The following IQANK1 variants were observed in gnomAD, a reference collection of about 807,000 sequenced individuals.
IQANK1 encodes IQ motif and ankyrin repeat domain-containing protein 1.
IQANK1 carries 30 observed loss-of-function variants against 22.6 expected under a neutral mutation model. The observed-to-expected ratio is 1.33, with a 90% confidence interval of 0.99 to 1.80. The LOEUF is 1.80. Among genes scored for constraint, IQANK1 ranks in the 40% most tolerant of loss-of-function variants. The pLI, the probability that IQANK1 is intolerant of heterozygous loss-of-function variation, is 0.00. For synonymous variants in IQANK1, 122 were observed against 99.6 expected (o/e 1.23, Z -1.34); for missense variants, 275 against 235.2 (o/e 1.17, Z -1.11).
chr8:143,776,009 G>A (rs111444538), intron 7 of IQANK1, among the ~76,000 whole-genome samples: 4 of 145,746 alleles, frequency 2.7e-5, no homozygotes, highest in African/African-American at 8.4e-5. Flanking sequence ...GAGGAGGGCC[G>A]GGCGCGGTGG....
chr8:143,764,095 CT>C (rs60387819), intron 3 of IQANK1, among the ~76,000 whole-genome samples: 3,111 of 152,214 alleles, frequency 0.02, 100 homozygotes, highest in African/African-American at 0.063. Context: ...CTCTGATACT[CT>C]CAGCAGTCAC....
At chr8:143,734,473 C>T (rs1362936644) in intron 1 of IQANK1, among the ~76,000 whole-genome samples, 2 of 151,290 alleles carry the variant, frequency 1.3e-5, no homozygotes, top group Non-Finnish European at 3.0e-5. Flanking sequence ...GGGACTCTGC[C>T]GCAGTGACCC....
At chr8:143,785,953 C>T (rs1819879364) in intron 7 of IQANK1, among the ~76,000 whole-genome samples, 1 of 152,146 alleles carries the variant, frequency 6.6e-6, no homozygotes, top group South Asian at 2.1e-4. Context: ...TCTCCAACTC[C>T]TGACCTTGTG....
intron 2 of IQANK1, among the ~76,000 whole-genome samples, 176 bp downstream of exon 2, chr8:143,736,114 T>C (rs1055510663): frequency 6.6e-6 from 1 of 152,024 alleles, no homozygotes. Flanking sequence ...AGCCCATTCA[T>C]TCATCTCAGA....
At position 143,757,121 on chromosome 8, in the gene IQANK1, A is replaced by G. The variant is rs577218083; in HGVS notation, c.176-14367A>G. Among the ~76,000 whole-genome samples, 122 of 152,316 alleles carry G rather than the reference A, an allele frequency of 8.0e-4. 1 individual carries two copies. Among genetic ancestry groups the G allele is most frequent in the African/African-American group, 2.8e-3 (117 of 41,576 alleles). On this transcript the variant is annotated intron_variant, in intron 3 of 13. Transcript: ENST00000527139. ...CTGACAGTCAGAGTGTCACTGATCT[A>G]TTGGGACACAAGGCTTAAGTGGTGA...
rs1587487305 is a variant in IQANK1, at chr8:143,771,990, A to G, written c.471+25A>G. 1 of 20,424 alleles carries G rather than the reference A, an allele frequency of 4.9e-5. No homozygotes were observed. Among genetic ancestry groups the G allele is most frequent in the Non-Finnish European group, 8.7e-5 (1 of 11,478 alleles). 1.3% of individuals were successfully genotyped at this position (20,424 alleles called of 1,614,324 possible). A position where few individuals can be genotyped will look rare whatever the true frequency, so the allele number is the denominator to read the frequency against. ...GGTCAGCGGGGGCGGGAGGAGGACG[A>G]GGGCGGGGGGTGGGGTGGGAGTGGG... On this transcript the variant is annotated intron_variant, in intron 5 of 13. Transcript: ENST00000527139. This position sits in a 1 kb window ranked among gnomAD's most constrained non-coding sequence, Gnocchi z 6.0.
intron 3 of IQANK1, among the ~76,000 whole-genome samples, chr8:143,750,943 T>TG (rs1554627954): frequency 2.7e-5 from 3 of 110,784 alleles, no homozygotes; most frequent in Non-Finnish European, 6.6e-5. Flanking sequence ...ACTGTCTTCT[T>TG]TTGTGTGTGT....
rs1016624351 is a variant in IQANK1 at position 143,772,238 on chromosome 8, A to C, written c.658A>C (p.Ser220Arg). ...LRAELGASPNSKGAFGPTPLY... is the reference protein window; with the variant it reads ...LRAELGASPNRKGAFGPTPLY... ...GGCCGAGCTCGGCGCCAGCCCCAAC[A>C]GCAAGGTGGGCGCCGTGGGCCGCGG... The change falls in exon 6 of 14, where the codon AGC becomes CGC. Residue 220 changes from serine to arginine, a missense_variant. Transcript: ENST00000527139. 1.0e-5 allele frequency: 4 copies of C among 396,368 alleles called. No individual in the cohort carries two copies. Among genetic ancestry groups the C allele is most frequent in the Admixed American group, 4.4e-5 (1 of 22,616 alleles). 24.6% of individuals were successfully genotyped at this position (396,368 alleles called of 1,614,324 possible).
chr8:143,769,134 C>T (rs1362698656), intron 3 of IQANK1, among the ~76,000 whole-genome samples: 1 of 152,074 alleles, frequency 6.6e-6, no homozygotes, highest in African/African-American at 2.4e-5. Context: ...ATGATCATGG[C>T]TCACTGCAGC....
At chr8:143,751,769 C>CCATCTAGT (rs1188384466) in intron 3 of IQANK1, among the ~76,000 whole-genome samples, 1 of 150,082 alleles carries the variant, frequency 6.7e-6, no homozygotes, top group Non-Finnish European at 1.5e-5. Flanking sequence ...CTTTGAGTTA[C>CCATCTAGT]CATCTAGTGT....
intron 3 of IQANK1, among the ~76,000 whole-genome samples, chr8:143,762,396 G>C (rs1554628939): frequency 1.3e-5 from 2 of 152,206 alleles, no homozygotes; most frequent in African/African-American, 4.8e-5. Flanking sequence ...TGGATGTTCA[G>C]AGCTTTACCC....
At chr8:143,789,678 GGT>G in intron 10 of IQANK1, 81 bp from the exon 11 acceptor site, 1 of 1,213,174 alleles carries the variant, frequency 8.2e-7, no homozygotes, top group Non-Finnish European at 1.0e-6. Context: ...CTTGGGGTGG[GGT>G]GGGGAGGAAG....
intron 3 of IQANK1, among the ~76,000 whole-genome samples, chr8:143,747,915 T>G (rs565063973): frequency 1.4e-4 from 8 of 56,990 alleles, no homozygotes; most frequent in South Asian, 1.4e-3. Context: ...GTTAAGTCCT[T>G]TCCTTTCCTT....
chr8:143,743,154 G>A (rs565370912), intron 3 of IQANK1: 24 of 412,726 alleles, frequency 5.8e-5, no homozygotes, highest in Non-Finnish European at 9.9e-5. Context: ...CAGCCGTGCT[G>A]TGGGTTTCCT....
At chr8:143,745,930 G>A (rs1451193954) in intron 3 of IQANK1, 1 of 151,602 alleles carries the variant, frequency 6.6e-6, no homozygotes, top group Admixed American at 6.6e-5. Flanking sequence ...TTTTTATTTT[G>A]TAGAGATGGG....
chr8:143,738,185 C>T (rs1039276076), intron 2 of IQANK1, among the ~76,000 whole-genome samples: 75 of 152,178 alleles, frequency 4.9e-4, no homozygotes, highest in African/African-American at 1.7e-3. Flanking sequence ...CTGGGCCCTG[C>T]CTGCCCTCCT....
intron 3 of IQANK1, among the ~76,000 whole-genome samples, chr8:143,770,709 G>A (rs12541792): frequency 0.39 from 59,428 of 152,264 alleles, 14,947 homozygotes; most frequent in Non-Finnish European, 0.57. Flanking sequence ...GCCTCGCCTG[G>A]CCACCCGTGC....
intron 3 of IQANK1, among the ~76,000 whole-genome samples, chr8:143,762,309 AAAGG>A (rs1173151205): frequency 2.0e-4 from 30 of 149,586 alleles, no homozygotes; most frequent in Middle Eastern, 3.5e-3. Flanking sequence ...AACTCCATCT[AAAGG>A]AAGGAAGGAA....
chr8:143,780,357 G>A (rs571365658), intron 7 of IQANK1, among the ~76,000 whole-genome samples: 130 of 152,086 alleles, frequency 8.5e-4, no homozygotes, highest in African/African-American at 2.8e-3. Context: ...TAGGTTTGGG[G>A]GTACATGTGA....
Sources: allele counts gnomAD v4.1 joint callset (sites outside exome capture counted in the v4.1 genomes callset), GRCh38; gene constraint gnomAD v4.1.1; non-coding constraint Gnocchi (gnomAD v3.1); transcripts MANE v1.5; gene names NCBI Gene and HGNC (gene_info 2026-07-23, HGNC 2026-07-21).